Variants in AUTS2 observed in about 807,000 individuals in gnomAD.
AUTS2 encodes autism susceptibility gene 2 protein.
In AUTS2, 17 loss-of-function variants were observed where a neutral mutation model predicts 112.4. The observed-to-expected ratio is 0.15, with a 90% CI of 0.10 to 0.23. The LOEUF is 0.23. Among genes scored for constraint, AUTS2 ranks in the 10% least tolerant of loss-of-function variants. The pLI is 1.00. For missense variants in AUTS2, 1,510 were observed against 1,701.6 expected (o/e 0.89, Z 1.98); for synonymous variants, 751 against 702.7 (o/e 1.07, Z -1.09).
chr7:70,737,350 C>T (rs953252271), intron 6 of AUTS2, among the ~76,000 whole-genome samples: 8 of 152,200 alleles, frequency 5.3e-5, no homozygotes, highest in African/African-American at 4.8e-5. Context: ...ATTTCCCCAC[C>T]GCTGTAACAT....
intron 1 of AUTS2, among the ~76,000 whole-genome samples, chr7:69,655,467 T>G (rs1178730542): frequency 6.6e-6 from 1 of 152,224 alleles, no homozygotes; most frequent in East Asian, 1.9e-4. Context: ...GTCAGCGTCA[T>G]CTGGGAACGG....
chr7:69,852,903 T>A (rs1034515649), intron 1 of AUTS2, among the ~76,000 whole-genome samples: 2 of 152,234 alleles, frequency 1.3e-5, no homozygotes, highest in Non-Finnish European at 2.9e-5. Flanking sequence ...CATAGATTAT[T>A]TGCCAGTGTG....
At chr7:70,040,829 G>C (rs1253392667) in intron 2 of AUTS2, among the ~76,000 whole-genome samples, 1 of 152,186 alleles carries the variant, frequency 6.6e-6, no homozygotes, top group East Asian at 1.9e-4. Context: ...CTGTGCTCTG[G>C]ATTAATTCTT....
intron 4 of AUTS2, among the ~76,000 whole-genome samples, chr7:70,394,235 A>C (rs536551251): frequency 6.6e-6 from 1 of 152,334 alleles, no homozygotes; most frequent in African/African-American, 2.4e-5. Context: ...CAGTGTTCAT[A>C]ATAACTGCCA....
At chr7:70,438,361 G>GTAAA (rs1201240609) in intron 5 of AUTS2, among the ~76,000 whole-genome samples, 1 of 152,076 alleles carries the variant, frequency 6.6e-6, no homozygotes, top group African/African-American at 2.4e-5. Context: ...GAAGGGAAGG[G>GTAAA]GTATTAGGAG....
At chr7:70,519,151 TGGGAAC>T (rs1799543339) in intron 5 of AUTS2, among the ~76,000 whole-genome samples, 1 of 152,196 alleles carries the variant, frequency 6.6e-6, no homozygotes, top group African/African-American at 2.4e-5. Context: ...TAAGAATAGT[TGGGAAC>T]CTCCAGGGTC....
At chr7:70,289,750 C>A (rs1186919087) in intron 4 of AUTS2, among the ~76,000 whole-genome samples, 1 of 152,100 alleles carries the variant, frequency 6.6e-6, no homozygotes, top group Non-Finnish European at 1.5e-5. Flanking sequence ...AGAATTTATT[C>A]CCAGTTTTTG....
At chr7:70,027,420 G>A (rs1475113409) in intron 2 of AUTS2, among the ~76,000 whole-genome samples, 1 of 152,072 alleles carries the variant, frequency 6.6e-6, no homozygotes, top group Admixed American at 6.6e-5. Flanking sequence ...CACTTCTCGT[G>A]TTTCCTTGGG....
chr7:69,794,141 C>T (rs374644113), intron 1 of AUTS2, among the ~76,000 whole-genome samples: 4 of 152,162 alleles, frequency 2.6e-5, no homozygotes, highest in East Asian at 1.9e-4. Flanking sequence ...AATTGAGGTT[C>T]GGAGAACTTC....
At position 70,311,379 on chromosome 7, in the gene AUTS2, G is replaced by T. The variant is rs182545311; in HGVS notation, c.661-124373G>T. On this transcript the variant is annotated intron_variant, in intron 4 of 18. Coordinates refer to ENST00000342771, the MANE Select transcript of AUTS2 (RefSeq NM_015570.4). ...TGTCGTGTCCCCTTTCTCCATTCTT[G>T]TCTCCCAAAGATGTCACACATTCAT... Among the ~76,000 whole-genome samples, 73 of 152,106 alleles carry T rather than the reference G, an allele frequency of 4.8e-4. 2 individuals are homozygous for T. The highest frequency in any genetic ancestry group is 2.9e-5 in the Non-Finnish European group (2 of 68,004).
chr7:70,234,227 T>G (rs1812201860), intron 4 of AUTS2, among the ~76,000 whole-genome samples: 1 of 152,198 alleles, frequency 6.6e-6, no homozygotes, highest in African/African-American at 2.4e-5. Flanking sequence ...TATATCATAT[T>G]TATTTAGACC....
intron 2 of AUTS2, among the ~76,000 whole-genome samples, chr7:69,962,529 C>T (rs1562998206): frequency 6.6e-6 from 1 of 152,150 alleles, no homozygotes; most frequent in Non-Finnish European, 1.5e-5. Flanking sequence ...TACAATTCAG[C>T]TCTATCTTTG....
intron 1 of AUTS2, among the ~76,000 whole-genome samples, chr7:69,847,436 G>A (rs996297467): frequency 3.3e-5 from 5 of 152,178 alleles, no homozygotes; most frequent in Non-Finnish European, 7.3e-5. Context: ...TTTGCTCTAA[G>A]TGTGCTGAGT....
At chr7:69,745,148 G>A (rs1391945408) in intron 1 of AUTS2, among the ~76,000 whole-genome samples, 1 of 152,070 alleles carries the variant, frequency 6.6e-6, no homozygotes, top group East Asian at 1.9e-4. Flanking sequence ...CTCTTTCTCC[G>A]GCTGACCAAA....
At chr7:69,656,403 T>C (rs1795541188) in intron 1 of AUTS2, among the ~76,000 whole-genome samples, 1 of 152,258 alleles carries the variant, frequency 6.6e-6, no homozygotes, top group South Asian at 2.1e-4. Flanking sequence ...AAAAACTTGA[T>C]ACAAATAGAA....
At chr7:70,469,962 A>G (rs889431838) in intron 5 of AUTS2, among the ~76,000 whole-genome samples, 5 of 150,832 alleles carry the variant, frequency 3.3e-5, no homozygotes, top group African/African-American at 7.3e-5. Context: ...TTAGAGACTC[A>G]GTCTGGAGAT....
intron 2 of AUTS2, among the ~76,000 whole-genome samples, chr7:70,088,275 C>G (rs1055912501): frequency 6.6e-6 from 1 of 151,988 alleles, no homozygotes; most frequent in African/African-American, 2.4e-5. Context: ...AGGCACCCAC[C>G]ACCACGCCTG....
At chr7:70,012,200 C>T (rs530685730) in intron 2 of AUTS2, among the ~76,000 whole-genome samples, 2 of 152,222 alleles carry the variant, frequency 1.3e-5, no homozygotes, top group East Asian at 1.9e-4. Context: ...TTGCTAACCT[C>T]CTTGGACAGG....
At chr7:70,754,670 T>C (rs528969670) in intron 6 of AUTS2, among the ~76,000 whole-genome samples, 2 of 152,358 alleles carry the variant, frequency 1.3e-5, no homozygotes, top group East Asian at 1.9e-4. Context: ...GTAGTCTTTC[T>C]GTGTGGTGTG....
Sources: allele counts gnomAD v4.1 joint callset (sites outside exome capture counted in the v4.1 genomes callset), GRCh38; gene constraint gnomAD v4.1.1; transcripts MANE v1.5; gene names NCBI Gene and HGNC (gene_info 2026-07-23, HGNC 2026-07-21).